PTPRG: variants seen among roughly 807,000 people sequenced by gnomAD.
PTPRG encodes receptor-type tyrosine-protein phosphatase gamma.
In PTPRG, 102 loss-of-function variants were observed where a neutral mutation model predicts 165.3. That is an observed-to-expected ratio of 0.62 (90% CI 0.53 to 0.73). The LOEUF (loss-of-function observed/expected upper bound fraction) is 0.73. Among genes scored for constraint, PTPRG ranks in the 30% least tolerant of loss-of-function variants. PTPRG has a pLI of 0.00. For missense variants in PTPRG, 1,866 were observed against 1,861.4 expected, an observed-to-expected ratio of 1.00 and a Z score of -0.05; for synonymous variants, 675 against 669.5, an observed-to-expected ratio of 1.01 and a Z score of -0.13.
At chr3:61,582,516 C>T (rs549056778) in intron 1 of PTPRG, among the ~76,000 whole-genome samples, 2 of 152,126 alleles carry the variant, frequency 1.3e-5, no homozygotes, top group Non-Finnish European at 2.9e-5. Flanking sequence ...GCAGCCAGGA[C>T]GTAGCCTGAT....
intron 1 of PTPRG, among the ~76,000 whole-genome samples, chr3:61,627,058 G>T (rs565073669): frequency 6.7e-4 from 102 of 152,164 alleles, no homozygotes; most frequent in African/African-American, 2.4e-3. Flanking sequence ...TCACCCAAAT[G>T]CAGTGTGTGG....
chr3:61,752,836 T>A (rs1192021825), intron 2 of PTPRG, among the ~76,000 whole-genome samples: 1 of 148,132 alleles, frequency 6.8e-6, no homozygotes, highest in Non-Finnish European at 1.5e-5. Context: ...CAACTCCTGC[T>A]TATAGTAATA....
intron 5 of PTPRG, among the ~76,000 whole-genome samples, chr3:62,094,906 G>A (rs1234247479): frequency 1.3e-5 from 2 of 152,244 alleles, no homozygotes; most frequent in African/African-American, 2.4e-5. Context: ...ACATCAGGAA[G>A]GCTGCGACCT....
chr3:61,693,382 C>G (rs888442167), intron 1 of PTPRG, among the ~76,000 whole-genome samples: 11 of 152,082 alleles, frequency 7.2e-5, no homozygotes, highest in Admixed American at 5.9e-4. Flanking sequence ...TTCCTTTTTT[C>G]TAATATATTC....
rs558064544 is a variant in PTPRG, at chr3:61,659,236, G to T, written c.86-89642G>T. 3.3e-5 allele frequency: 28 copies of T among 856,588 alleles called. 1 individual carries two copies. Among genetic ancestry groups the T allele is most frequent in the Middle Eastern group, 5.9e-4 (1 of 1,698 alleles). The allele number at this position is 856,588 out of a possible 1,614,324, so 53.1% of individuals were successfully genotyped here. ...AGCTCCATAGCCGTCAGCCTGAATA[G>T]ATGTTCTCAGGGCTTCATATAGGCA... On this transcript the variant is annotated intron_variant, in intron 1 of 29. Coordinates refer to ENST00000474889, the MANE Select transcript of PTPRG (RefSeq NM_002841.4).
At chr3:62,149,747 G>A (rs577040818) in intron 6 of PTPRG, among the ~76,000 whole-genome samples, 3 of 152,230 alleles carry the variant, frequency 2.0e-5, no homozygotes, top group South Asian at 2.1e-4. Context: ...ATTCATGGCC[G>A]GTCTAGACTT....
chr3:61,743,206 G>T (rs2033071266), intron 1 of PTPRG: 2 of 711,756 alleles, frequency 2.8e-6, no homozygotes, highest in Non-Finnish European at 5.0e-6. Flanking sequence ...TAGAAGTTCT[G>T]AGAAGAGACA....
intron 1 of PTPRG, among the ~76,000 whole-genome samples, chr3:61,708,749 G>T (rs189763144): frequency 2.0e-5 from 3 of 152,036 alleles, no homozygotes; most frequent in Non-Finnish European, 2.9e-5. Flanking sequence ...GAGCCACCGC[G>T]CCTGGCTTTC....
chr3:61,810,548 A>G (rs542262388), intron 2 of PTPRG, among the ~76,000 whole-genome samples: 1 of 152,286 alleles, frequency 6.6e-6, no homozygotes, highest in South Asian at 2.1e-4. Context: ...CTCCATAGGC[A>G]TATGACCTCA....
chr3:61,998,445 C>A (rs1413702438), intron 3 of PTPRG, among the ~76,000 whole-genome samples: 1 of 152,228 alleles, frequency 6.6e-6, no homozygotes, highest in African/African-American at 2.4e-5. Flanking sequence ...AACCCCTTAA[C>A]AAACCTGTGA....
chr3:61,865,991 G>A (rs1255077746), intron 2 of PTPRG, among the ~76,000 whole-genome samples: 1 of 152,186 alleles, frequency 6.6e-6, no homozygotes, highest in East Asian at 1.9e-4. Context: ...CAGTCAGAGG[G>A]GCTCTGGCTT....
chr3:61,580,225 G>A (rs537898312), intron 1 of PTPRG, among the ~76,000 whole-genome samples: 2 of 152,066 alleles, frequency 1.3e-5, no homozygotes, highest in South Asian at 4.2e-4. Context: ...GAGGATTGTC[G>A]GAGCCCAGGA....
At chr3:61,627,526 G>A (rs13094693) in intron 1 of PTPRG, among the ~76,000 whole-genome samples, 19,143 of 152,066 alleles carry the variant, frequency 0.13, 1,360 homozygotes, top group East Asian at 0.21. Context: ...ATTTAAATAT[G>A]TAACCTTTTT....
intron 2 of PTPRG, among the ~76,000 whole-genome samples, chr3:61,812,769 A>G (rs1559625546): frequency 1.3e-5 from 2 of 152,236 alleles, no homozygotes; most frequent in Admixed American, 1.3e-4. Flanking sequence ...CAGCTCTCAG[A>G]TAATTCTCTG....
At chr3:62,067,130 G>A (rs1701042603) in intron 4 of PTPRG, among the ~76,000 whole-genome samples, 2 of 151,970 alleles carry the variant, frequency 1.3e-5, no homozygotes, top group Non-Finnish European at 2.9e-5. Context: ...TTCAGTAGTG[G>A]TGTGAAAGGG....
chr3:61,777,238 C>CT (rs760549661), intron 2 of PTPRG, among the ~76,000 whole-genome samples: 12 of 152,196 alleles, frequency 7.9e-5, no homozygotes, highest in Non-Finnish European at 1.6e-4. Context: ...GCTGTGCTGT[C>CT]TAACACAGCA....
chr3:62,027,300 C>T (rs865868424), intron 4 of PTPRG, among the ~76,000 whole-genome samples: 1 of 152,156 alleles, frequency 6.6e-6, no homozygotes, highest in Admixed American at 6.5e-5. Context: ...TTGTCCCACC[C>T]AATGCCGTGT....
chr3:62,061,849 G>A (rs1344735245), intron 4 of PTPRG, among the ~76,000 whole-genome samples: 1 of 151,346 alleles, frequency 6.6e-6, no homozygotes, highest in East Asian at 2.0e-4. Flanking sequence ...AGGCTGGTCT[G>A]GAACTCATGA....
chr3:61,734,074 G>A (rs760597770), intron 1 of PTPRG, among the ~76,000 whole-genome samples: 1 of 152,164 alleles, frequency 6.6e-6, no homozygotes, highest in Non-Finnish European at 1.5e-5. Context: ...GAGCCACCAC[G>A]CCCAGCCAAC....
Sources: allele counts gnomAD v4.1 joint callset (sites outside exome capture counted in the v4.1 genomes callset), GRCh38; gene constraint gnomAD v4.1.1; transcripts MANE v1.5; gene names NCBI Gene and HGNC (gene_info 2026-07-23, HGNC 2026-07-21).